KIF26B: variants seen among roughly 807,000 people sequenced by gnomAD.
KIF26B encodes kinesin family member 26B.
A neutral mutation model predicts 151.2 loss-of-function variants in KIF26B; 63 were observed. The observed-to-expected ratio is 0.42, with a 90% CI of 0.34 to 0.51. KIF26B has a LOEUF of 0.51. Among genes scored for constraint, KIF26B ranks in the 20% least tolerant of loss-of-function variants. The pLI, the probability that KIF26B is intolerant of heterozygous loss-of-function variation, is 0.07. For synonymous variants in KIF26B, 1,357 were observed against 1,262.1 expected, an observed-to-expected ratio of 1.08 and a Z score of -1.59; for missense variants, 2,813 against 2,913.6, an observed-to-expected ratio of 0.97 and a Z score of 0.79.
rs1460185109 is a variant in KIF26B at position 245,318,607 on chromosome 1, G to A, written c.466-48227G>A. On this transcript the variant is annotated intron_variant, in intron 2 of 14. Coordinates refer to ENST00000407071, the MANE Select transcript of KIF26B (RefSeq NM_018012.4). This position sits in a 1 kb window ranked among gnomAD's most constrained non-coding sequence, Gnocchi z 4.0. ...CCTTTCCAAGCAGGGACTTTGCTGCGACTCCCTAAGTTCATAGGGAAAGCA... is the reference window on the plus strand; with the variant it reads ...CCTTTCCAAGCAGGGACTTTGCTGCAACTCCCTAAGTTCATAGGGAAAGCA... Among the ~76,000 whole-genome samples the A allele has an allele frequency of 1.3e-5, 2 of 152,064 alleles. No individual in the cohort carries two copies. The highest frequency in any genetic ancestry group is 2.9e-5 in the Non-Finnish European group (2 of 68,022).
intron 11 of KIF26B, 64 bp from the exon 12 acceptor site, chr1:245,685,341 C>T: frequency 7.3e-7 from 1 of 1,376,622 alleles, no homozygotes; most frequent in Non-Finnish European, 1.0e-6. Flanking sequence ...TTGCCGCGCA[C>T]AGCTGGGCTC....
intron 2 of KIF26B, among the ~76,000 whole-genome samples, chr1:245,202,810 G>A (rs1205158482): frequency 2.7e-5 from 4 of 148,438 alleles, no homozygotes; most frequent in Admixed American, 1.4e-4. Context: ...GCATGGTGGC[G>A]CATACCTATA....
At chr1:245,550,996 G>A (rs1300531906) in intron 5 of KIF26B, among the ~76,000 whole-genome samples, 3 of 152,190 alleles carry the variant, frequency 2.0e-5, no homozygotes, top group Non-Finnish European at 4.4e-5. Context: ...GATGAGCTGA[G>A]GGACAGTCAT....
chr1:245,656,078 T>C (rs1007873577), intron 10 of KIF26B, among the ~76,000 whole-genome samples: 5 of 150,970 alleles, frequency 3.3e-5, no homozygotes, highest in Admixed American at 6.6e-5. Flanking sequence ...TTTCCATTTA[T>C]TCATTTACTC....
At chr1:245,391,474 C>G (rs1051443259) in intron 3 of KIF26B, among the ~76,000 whole-genome samples, 4 of 151,906 alleles carry the variant, frequency 2.6e-5, no homozygotes, top group African/African-American at 9.7e-5. Context: ...GCCACATAAC[C>G]AAAATAATAT....
intron 2 of KIF26B, among the ~76,000 whole-genome samples, chr1:245,237,665 T>C (rs1016791382): frequency 3.3e-5 from 5 of 152,180 alleles, no homozygotes; most frequent in African/African-American, 1.2e-4. Flanking sequence ...CTGGCAACAC[T>C]GTCTTTTGTA....
intron 4 of KIF26B, among the ~76,000 whole-genome samples, chr1:245,465,892 G>A (rs1659778302): frequency 6.6e-6 from 1 of 152,156 alleles, no homozygotes; most frequent in Non-Finnish European, 1.5e-5. Flanking sequence ...CTCCTTCTGC[G>A]CTCTCCAAGG....
intron 2 of KIF26B, among the ~76,000 whole-genome samples, chr1:245,294,163 A>G (rs1267872785): frequency 6.6e-6 from 1 of 152,188 alleles, no homozygotes; most frequent in African/African-American, 2.4e-5. Flanking sequence ...TTTCAGAGAA[A>G]GGAGCTATAG....
intron 3 of KIF26B, among the ~76,000 whole-genome samples, chr1:245,400,899 AT>A (rs1256164554): frequency 6.6e-6 from 1 of 152,148 alleles, no homozygotes; most frequent in African/African-American, 2.4e-5. Flanking sequence ...AAGAAAATAC[AT>A]AAAAAAAGAC....
intron 4 of KIF26B, among the ~76,000 whole-genome samples, chr1:245,454,007 ACCTTCAGGCTGAATG>A (rs1330428520): frequency 6.6e-6 from 1 of 152,134 alleles, no homozygotes; most frequent in Non-Finnish European, 1.5e-5. Flanking sequence ...GGTTTCAATA[ACCTTCAGGCTGAATG>A]CCACTCATAC....
chr1:245,311,626 T>TAAAC (rs1178421968), intron 2 of KIF26B, among the ~76,000 whole-genome samples: 1 of 151,642 alleles, frequency 6.6e-6, no homozygotes, highest in Non-Finnish European at 1.5e-5. Context: ...ATAAAAATAA[T>TAAAC]AAATAAATAA....
At chr1:245,408,504 G>A (rs554358403) in intron 3 of KIF26B, among the ~76,000 whole-genome samples, 1 of 151,818 alleles carries the variant, frequency 6.6e-6, no homozygotes, top group Non-Finnish European at 1.5e-5. Context: ...ATAGGCACAC[G>A]CCACCATGCC....
At chr1:245,196,025 T>C (rs559091644) in intron 2 of KIF26B, among the ~76,000 whole-genome samples, 1 of 152,298 alleles carries the variant, frequency 6.6e-6, no homozygotes, top group African/African-American at 2.4e-5. Flanking sequence ...CTCGAGGTCC[T>C]TCAGGATGTC....
intron 10 of KIF26B, among the ~76,000 whole-genome samples, chr1:245,679,613 C>T (rs527471583): frequency 2.8e-3 from 428 of 151,404 alleles, no homozygotes; most frequent in South Asian, 0.011. Flanking sequence ...GGATTATAGG[C>T]GCGCGCCACC....
chr1:245,573,245 C>T lies in KIF26B; in HGVS notation c.1351-29332C>T, dbSNP rs191417587. On this transcript the variant is annotated intron_variant, in intron 5 of 14. Coordinates refer to ENST00000407071, the MANE Select transcript of KIF26B (RefSeq NM_018012.4). Reference sequence around the variant, plus strand: ...ACAGTGCTTTTAAAATTAATGAGGCCGGGAGCAGCGGCTCACGCCTGTAAT... The same window carrying T: ...ACAGTGCTTTTAAAATTAATGAGGCTGGGAGCAGCGGCTCACGCCTGTAAT... 2.0e-3 allele frequency among the ~76,000 whole-genome samples: 310 copies of T among 152,236 alleles called. 2 individuals are homozygous for T. Among genetic ancestry groups the T allele is most frequent in the Non-Finnish European group, 1.2e-3 (79 of 68,018 alleles).
chr1:245,190,858 G>A (rs1248675363), intron 2 of KIF26B, among the ~76,000 whole-genome samples: 2 of 150,968 alleles, frequency 1.3e-5, no homozygotes, highest in East Asian at 2.0e-4. Context: ...TCAGGAGTTC[G>A]AGACCAGCCT....
chr1:245,276,535 A>G (rs144061280), intron 2 of KIF26B, among the ~76,000 whole-genome samples: 1 of 152,196 alleles, frequency 6.6e-6, no homozygotes, highest in Non-Finnish European at 1.5e-5. Context: ...GCCCTTTCCT[A>G]TTCTAAACCA....
intron 2 of KIF26B, among the ~76,000 whole-genome samples, chr1:245,181,514 TAAAA>T (rs369608495): frequency 1.0e-5 from 1 of 97,930 alleles, no homozygotes; most frequent in African/African-American, 3.3e-5. Flanking sequence ...GTAGTAAAGT[TAAAA>T]AAAAAAAAGC....
chr1:245,254,523 T>C lies in KIF26B; in HGVS notation c.465+97840T>C, dbSNP rs150995433. Among the ~76,000 whole-genome samples the C allele has an allele frequency of 3.3e-5, 5 of 152,352 alleles. No homozygotes were observed. In the East Asian group the frequency reaches 9.6e-4, roughly 29 times the overall value. ...ACTTATTTTTGAAAGGCATCCTGGC[T>C]GAAATGATGAGCTCAGGTTTTGGGT... On this transcript the variant is annotated intron_variant, in intron 2 of 14. Transcript: ENST00000407071.
Sources: gnomAD v4.1 joint callset for allele counts (sites outside exome capture counted in the v4.1 genomes callset) on GRCh38, gnomAD v4.1.1 for gene constraint, Gnocchi (gnomAD v3.1) non-coding constraint, MANE v1.5 for transcripts, NCBI Gene and HGNC (gene_info 2026-07-23, HGNC 2026-07-21) for gene names.